IL17B: variants seen among roughly 807,000 people sequenced by gnomAD.
The protein encoded by IL17B is interleukin-17B.
A neutral mutation model predicts 14.7 loss-of-function variants in IL17B; 14 were observed. That is an observed-to-expected ratio of 0.95 (90% CI 0.63 to 1.49). The LOEUF is 1.49. Among genes scored for constraint, IL17B ranks in the 40% most tolerant of loss-of-function variants. The pLI is 0.00. For missense variants in IL17B, 233 were observed against 252.8 expected (o/e 0.92, Z 0.53); for synonymous variants, 105 against 94.8 (o/e 1.11, Z -0.62).
intron 1 of IL17B, among the ~76,000 whole-genome samples, chr5:149,386,716 G>A (rs1477940634): frequency 2.0e-5 from 3 of 152,142 alleles, no homozygotes; most frequent in Non-Finnish European, 2.9e-5. Context: ...GGGATATAGT[G>A]GTGAACAACT....
chr5:149,388,044 C>T (rs1157302338), intron 1 of IL17B, among the ~76,000 whole-genome samples: 1 of 152,190 alleles, frequency 6.6e-6, no homozygotes, highest in East Asian at 1.9e-4. Context: ...TGTCATTAGG[C>T]AGCAGACACA....
chr5:149,379,008 C>T (rs538640313), intron 1 of IL17B, among the ~76,000 whole-genome samples, 197 bp downstream of exon 1: 129 of 152,304 alleles, frequency 8.5e-4, no homozygotes, highest in African/African-American at 3.0e-3. Flanking sequence ...GGCTGAGCCC[C>T]GTTCAGGAGC....
At chr5:149,377,048 A>G in intron 1 of IL17B, 23 bp from the exon 2 acceptor site, 1 of 1,524,424 alleles carries the variant, frequency 6.6e-7, no homozygotes, top group Non-Finnish European at 8.8e-7. Context: ...GCCACAGGTC[A>G]AAGGTGGGAG....
At chr5:149,396,531 G>A (rs1759094233) in intron 1 of IL17B, among the ~76,000 whole-genome samples, 1 of 152,174 alleles carries the variant, frequency 6.6e-6, no homozygotes, top group South Asian at 2.1e-4. Context: ...TGAGGCAGGT[G>A]GAATGCTTGA....
In IL17B at chr5:149,403,047, G is replaced by C. The variant is rs775118273; in HGVS notation, n.95+1061C>G. 1.7e-3 allele frequency among the ~76,000 whole-genome samples: 249 copies of C among 143,318 alleles called. 1 individual carries two copies. The highest frequency in any genetic ancestry group is 3.4e-3 in the Non-Finnish European group (223 of 66,186). 94.0% of individuals were successfully genotyped at this position (143,318 alleles called of 152,430 possible). ...AAAACTCAATAGCAAGTTGTAGACA[G>C]TTTTTTGTTTGTTTTGTTCTGTTTT... On this transcript the variant is annotated intron_variant and non_coding_transcript_variant, in intron 1 of 2. Transcript: ENST00000505432.
chr5:149,391,523 C>T (rs1758964759), intron 1 of IL17B, among the ~76,000 whole-genome samples: 1 of 152,200 alleles, frequency 6.6e-6, no homozygotes, highest in Admixed American at 6.5e-5. Flanking sequence ...TTTTAGGGGG[C>T]TTAAGTTTCT....
At chr5:149,402,213 T>G (rs1264032052) in intron 1 of IL17B, among the ~76,000 whole-genome samples, 3 of 152,160 alleles carry the variant, frequency 2.0e-5, no homozygotes, top group African/African-American at 7.2e-5. Flanking sequence ...CAGGAGCTAA[T>G]CTTGGTGAGT....
chr5:149,393,180 C>T (rs1025463468), intron 1 of IL17B, among the ~76,000 whole-genome samples: 3 of 152,228 alleles, frequency 2.0e-5, no homozygotes, highest in African/African-American at 7.2e-5. Context: ...AGAAAGTCAT[C>T]CTCTGAGTGG....
At position 149,379,196 on chromosome 5, in the gene IL17B, G is replaced by C. The variant is rs776354684; in HGVS notation, c.21+9C>G. ...AGGGGTGGGGGTGCGGCAGGGAAGC[G>C]CCACGTACCAGGTTGTGAGGCCAGT... On this transcript the variant is annotated intron_variant, in intron 1 of 2. Transcript: ENST00000261796. The C allele has an allele frequency of 1.2e-6, 2 of 1,614,032 alleles. No homozygotes were observed. Among genetic ancestry groups the C allele is most frequent in the Non-Finnish European group, 1.7e-6 (2 of 1,179,946 alleles).
At chr5:149,402,689 T>TAAAAA (rs370816490) in intron 1 of IL17B, among the ~76,000 whole-genome samples, 55 of 139,180 alleles carry the variant, frequency 4.0e-4, no homozygotes, top group African/African-American at 1.5e-3. Context: ...ACCATGCTTT[T>TAAAAA]AAAAAAAAAA....
At chr5:149,403,576 C>T (rs990532961) in intron 1 of IL17B, among the ~76,000 whole-genome samples, 7 of 152,150 alleles carry the variant, frequency 4.6e-5, no homozygotes, top group South Asian at 4.1e-4. Flanking sequence ...GGGTTATGGG[C>T]CTTTTCAATA....
intron 1 of IL17B, among the ~76,000 whole-genome samples, chr5:149,402,485 A>G (rs1483561548): frequency 6.6e-6 from 1 of 152,030 alleles, no homozygotes; most frequent in Non-Finnish European, 1.5e-5. Flanking sequence ...TGCCATTCCC[A>G]AAGATACTAC....
chr5:149,392,986 GTGCGTGTGTGTGC>G (rs1759013762), intron 1 of IL17B, among the ~76,000 whole-genome samples: 1 of 66,704 alleles, frequency 1.5e-5, no homozygotes, highest in African/African-American at 7.5e-5. Context: ...GCGTGTGTGT[GTGCGTGTGTGTGC>G]TGCGTGTGTG....
At chr5:149,392,447 G>A (rs949317095) in intron 1 of IL17B, among the ~76,000 whole-genome samples, 1 of 152,242 alleles carries the variant, frequency 6.6e-6, no homozygotes, top group Non-Finnish European at 1.5e-5. Context: ...GCCAATAGCT[G>A]TTATTAAGTA....
chr5:149,396,003 A>G (rs353265), intron 1 of IL17B, among the ~76,000 whole-genome samples: 114,250 of 152,166 alleles, frequency 0.75, 43,671 homozygotes, highest in Middle Eastern at 0.91. Context: ...CACCTGGCCC[A>G]TATTTTTAAA....
intron 1 of IL17B, among the ~76,000 whole-genome samples, chr5:149,394,548 A>C (rs1759053296): frequency 6.6e-6 from 1 of 152,246 alleles, no homozygotes. Flanking sequence ...AAAACACATG[A>C]AACTAATTAG....
At chr5:149,402,820 G>A (rs1759235574) in intron 1 of IL17B, among the ~76,000 whole-genome samples, 1 of 151,402 alleles carries the variant, frequency 6.6e-6, no homozygotes, top group African/African-American at 2.4e-5. Flanking sequence ...TGGCTAACAC[G>A]GTGAAACCCC....
upstream of IL17B, among the ~76,000 whole-genome samples, chr5:149,383,121 A>C (rs956307544): frequency 2.0e-5 from 3 of 152,234 alleles, no homozygotes; most frequent in Non-Finnish European, 2.9e-5. Flanking sequence ...CAAAGTGAAG[A>C]TAATAATAAC....
At chr5:149,391,984 ACT>A (rs1261214786) in intron 1 of IL17B, among the ~76,000 whole-genome samples, 1 of 151,116 alleles carries the variant, frequency 6.6e-6, no homozygotes, top group African/African-American at 2.4e-5. Flanking sequence ...TCATCCCCTT[ACT>A]CTCTCTCCCA....
Sources: allele counts gnomAD v4.1 joint callset (sites outside exome capture counted in the v4.1 genomes callset), GRCh38; gene constraint gnomAD v4.1.1; transcripts MANE v1.5; gene names NCBI Gene and HGNC (gene_info 2026-07-23, HGNC 2026-07-21).